The following ATL3 variants were observed in gnomAD, a reference collection of about 807,000 sequenced individuals.
ATL3 encodes the protein atlastin GTPase 3.
In ATL3, 49 loss-of-function variants were observed where a neutral mutation model predicts 69.5. That is an observed-to-expected ratio of 0.71 (90% CI 0.56 to 0.89). The LOEUF (loss-of-function observed/expected upper bound fraction) is 0.89. Among genes scored for constraint, ATL3 ranks in the 40% least tolerant of loss-of-function variants. The probability of loss-of-function intolerance (pLI) is 0.00; values close to 1 mark genes in which losing one functional copy is unlikely to be tolerated. For synonymous variants in ATL3, 214 were observed against 224.1 expected (o/e 0.95, Z 0.40); for missense variants, 606 against 645.7 (o/e 0.94, Z 0.67).
intron 9 of ATL3, 149 bp from the exon 10 acceptor site, chr11:63,635,739 G>A: frequency 1.1e-5 from 7 of 632,494 alleles, no homozygotes; most frequent in South Asian, 2.0e-5. Flanking sequence ...ACACACCTTT[G>A]AGTGCATGTT....
chr11:63,662,212 C>CAAAA (rs1228390912), intron 1 of ATL3, among the ~76,000 whole-genome samples: 10 of 84,656 alleles, frequency 1.2e-4, no homozygotes, highest in Admixed American at 2.8e-4. Context: ...GACTCTATCT[C>CAAAA]AAAAAAAAAA....
intron 9 of ATL3, 143 bp from the exon 10 acceptor site, chr11:63,635,733 A>T: frequency 1.6e-6 from 1 of 635,658 alleles, no homozygotes. Flanking sequence ...CACACCACAC[A>T]CCTTTGAGTG....
At chr11:63,630,764 C>T (rs1213703113) in intron 12 of ATL3, among the ~76,000 whole-genome samples, 1 of 147,870 alleles carries the variant, frequency 6.8e-6, no homozygotes, top group African/African-American at 2.5e-5. Flanking sequence ...CCACTGGACT[C>T]CAGCCTGGGC....
chr11:63,652,182 G>A (rs556701807), intron 4 of ATL3, among the ~76,000 whole-genome samples, 196 bp from the exon 5 acceptor site: 1 of 152,186 alleles, frequency 6.6e-6, no homozygotes, highest in Admixed American at 6.5e-5. Flanking sequence ...CTCCTTTACA[G>A]TTTAAAACAG....
At position 63,644,281 on chromosome 11, in the gene ATL3, A is replaced by G; in HGVS notation, c.619-20T>C. 2 of 1,393,014 alleles carry G rather than the reference A, an allele frequency of 1.4e-6. No homozygotes were observed. The highest frequency in any genetic ancestry group is 1.7e-5 in the Admixed American group (1 of 57,502). 86.3% of individuals were successfully genotyped at this position (1,393,014 alleles called of 1,614,324 possible). A position where few individuals can be genotyped will look rare whatever the true frequency, so the allele number is the denominator to read the frequency against. ...CAGTGTCTATTTAAGAAAAGAGCGG[A>G]ACATATTTTAACATGCATAAACACA... On this transcript the variant is annotated intron_variant, in intron 6 of 12. Transcript: ENST00000398868.
In ATL3 at chr11:63,631,121, G is replaced by A. The variant is rs377140030; in HGVS notation, c.1458C>T (p.Thr486=). 9.3e-6 allele frequency: 15 copies of A among 1,614,058 alleles called. No individual in the cohort carries two copies. The highest frequency in any genetic ancestry group is 1.3e-5 in the Non-Finnish European group (15 of 1,180,044). Residue 486 remains threonine, a synonymous_variant, in exon 12 of 13, where the codon ACC becomes ACT. Coordinates refer to ENST00000398868, the MANE Select transcript of ATL3 (RefSeq NM_015459.5). ...GACCAGAATACCTGATGTAGCCCCA[G>A]GTGAGGAGTGCTATTAACAGTAGTC... ...MVGLLLIALL[T]WGYIRYSGQY...
At chr11:63,665,752 G>T (rs1372248887) in intron 1 of ATL3, among the ~76,000 whole-genome samples, 1 of 151,758 alleles carries the variant, frequency 6.6e-6, no homozygotes, top group Non-Finnish European at 1.5e-5. Flanking sequence ...AACCAGGCTT[G>T]GTGGTAACGC....
At chr11:63,642,997 T>C (rs918378583) in intron 8 of ATL3, among the ~76,000 whole-genome samples, 1 of 152,238 alleles carries the variant, frequency 6.6e-6, no homozygotes, top group Non-Finnish European at 1.5e-5. Context: ...ATGAAAATAA[T>C]AGCTCTGCCA....
rs774566665 is a variant in ATL3 at position 63,629,339 on chromosome 11, T to C, written c.1606A>G (p.Met536Val). 2 of 1,614,140 alleles carry C rather than the reference T, an allele frequency of 1.2e-6. No homozygotes were observed. Among genetic ancestry groups the C allele is most frequent in the Non-Finnish European group, 1.7e-6 (2 of 1,179,964 alleles). The change falls in exon 13 of 13, where the codon ATG (methionine) becomes GTG (valine). Residue 536 changes from methionine (M) to valine (V), a missense_variant. Coordinates refer to ENST00000398868, the MANE Select transcript of ATL3 (RefSeq NM_015459.5). Reference sequence around the variant, plus strand: ...AGATGCTATTGAGCTTTTTTATCCATGGATGGTCTTCCAACAACTGCATCC... The same window carrying C: ...AGATGCTATTGAGCTTTTTTATCCACGGATGGTCTTCCAACAACTGCATCC... ...VRDAVVGRPS[M>V]DKKAQ
chr11:63,625,393 A>C lies in ATL3; in HGVS notation c.*3926T>G, dbSNP rs149685546. On this transcript the variant is annotated 3_prime_UTR_variant, in exon 13 of 13. Transcript: ENST00000398868. ...TCCTGTGAAGACTTCCATGTAAGTT[A>C]CATCATTTTTTAAAAGAACCTAGCA... 1 of 152,374 alleles carries C rather than the reference A, an allele frequency of 6.6e-6. No homozygotes were observed. Among genetic ancestry groups the C allele is most frequent in the Non-Finnish European group, 1.5e-5 (1 of 68,040 alleles). 9.4% of individuals were successfully genotyped at this position (152,374 alleles called of 1,614,324 possible). A position where few individuals can be genotyped will look rare whatever the true frequency, so the allele number is the denominator to read the frequency against.
chr11:63,630,250 TAAA>T (rs36043798), intron 12 of ATL3, among the ~76,000 whole-genome samples: 3 of 121,382 alleles, frequency 2.5e-5, no homozygotes, highest in Non-Finnish European at 3.5e-5. Context: ...CTGTCTCTAC[TAAA>T]AAAAAAAAAA....
intron 11 of ATL3, among the ~76,000 whole-genome samples, chr11:63,631,673 T>C (rs111387361): frequency 1.6e-4 from 24 of 152,252 alleles, no homozygotes; most frequent in African/African-American, 5.1e-4. Context: ...AGGGTGATAA[T>C]ATCAATTGGA....
intron 3 of ATL3, 70 bp from the exon 4 acceptor site, chr11:63,652,645 A>G: frequency 8.7e-7 from 1 of 1,150,274 alleles, no homozygotes; most frequent in Admixed American, 1.9e-5. Context: ...GAGAAATTGA[A>G]AAGTACAGGT....
chr11:63,654,145 A>ATTTTTTTTTTTTTTT (rs1330665161), intron 3 of ATL3, among the ~76,000 whole-genome samples: 1 of 149,158 alleles, frequency 6.7e-6, no homozygotes, highest in African/African-American at 2.5e-5. Context: ...TAAAGATACA[A>ATTTTTTTTTTTTTTT]TTTGTTTTTT....
At chr11:63,654,408 G>A (rs1940176885) in intron 3 of ATL3, among the ~76,000 whole-genome samples, 1 of 151,692 alleles carries the variant, frequency 6.6e-6, no homozygotes, top group African/African-American at 2.4e-5. Flanking sequence ...GCCTCCCACA[G>A]TGCTGGGATT....
Position 63,631,486 on chromosome 11 carries a change from G to GA in ATL3, c.1108-16dup, listed in dbSNP as rs1203122124. The GA allele has an allele frequency of 6.4e-7, 1 of 1,569,802 alleles. No homozygotes were observed. The highest frequency in any genetic ancestry group is 8.6e-7 in the Non-Finnish European group (1 of 1,161,256). ...CCCCCACAAACCTAAAAAGAACAAA[G>GA]AAACAATATGTTAAAAGATCTCTTC... On this transcript the variant is annotated splice_polypyrimidine_tract_variant and intron_variant, in intron 11 of 12. Transcript: ENST00000398868.
chr11:63,645,055 T>C (rs1339519900), intron 6 of ATL3, among the ~76,000 whole-genome samples: 1 of 152,014 alleles, frequency 6.6e-6, no homozygotes, highest in East Asian at 1.9e-4. Flanking sequence ...CACTCCAGCC[T>C]GGGTGACAGA....
chr11:63,664,874 G>A (rs1940528520), intron 1 of ATL3, among the ~76,000 whole-genome samples: 1 of 151,950 alleles, frequency 6.6e-6, no homozygotes, highest in Non-Finnish European at 1.5e-5. Context: ...CCAAAGTGCT[G>A]GGATTACAGG....
upstream of ATL3, chr11:63,671,536 G>A (rs1590751984): frequency 1.4e-6 from 2 of 1,426,804 alleles, no homozygotes; most frequent in Admixed American, 3.1e-5. Flanking sequence ...CCGAGGCGTG[G>A]CGAGCGCAGG....
Sources: allele counts gnomAD v4.1 joint callset (sites outside exome capture counted in the v4.1 genomes callset), GRCh38; gene constraint gnomAD v4.1.1; transcripts MANE v1.5; gene names NCBI Gene and HGNC (gene_info 2026-07-23, HGNC 2026-07-21).